The following GTF2E2 variants were observed in gnomAD, a reference collection of about 807,000 sequenced individuals.
GTF2E2 encodes the protein general transcription factor IIE subunit 2, also known as transcription initiation factor IIE subunit beta.
In GTF2E2, 21 loss-of-function variants were observed where a neutral mutation model predicts 40.5. The observed-to-expected ratio is 0.52, with a 90% confidence interval of 0.37 to 0.75. The LOEUF is 0.75. Ranked by LOEUF, GTF2E2 falls within the 30% of genes least tolerant of loss-of-function variation. The probability of loss-of-function intolerance (pLI) is 0.00; values close to 1 mark genes in which losing one functional copy is unlikely to be tolerated. For missense variants in GTF2E2, 298 were observed against 338.4 expected, an observed-to-expected ratio of 0.88 and a Z score of 0.94; for synonymous variants, 117 against 121.6, an observed-to-expected ratio of 0.96 and a Z score of 0.25.
chr8:30,651,678 T>C (rs992490057), intron 2 of GTF2E2, among the ~76,000 whole-genome samples: 1 of 152,218 alleles, frequency 6.6e-6, no homozygotes, highest in East Asian at 1.9e-4. Context: ...GATTTATAGA[T>C]TCAATTCAAT....
chr8:30,619,306 AC>A (rs1365344143), intron 3 of GTF2E2, among the ~76,000 whole-genome samples: 1 of 152,156 alleles, frequency 6.6e-6, no homozygotes, highest in Admixed American at 6.5e-5. Flanking sequence ...AGTCTTCCAG[AC>A]AAAACCCTTC....
Position 30,589,737 on chromosome 8 carries a change from G to C in GTF2E2, c.644-9341C>G, listed in dbSNP as rs77260970. Among the ~76,000 whole-genome samples, 42 of 152,286 alleles carry C rather than the reference G, an allele frequency of 2.8e-4. No homozygotes were observed. In the East Asian group the frequency reaches 6.0e-3, roughly 22 times the overall value. On this transcript the variant is annotated intron_variant, in intron 6 of 7. Transcript: ENST00000355904. ...ATCGTCTGCCCAAATCTGTGCAGCAGAGGCTGGACAGAATGAGAAGAACTT... is the reference window on the plus strand; with the variant it reads ...ATCGTCTGCCCAAATCTGTGCAGCACAGGCTGGACAGAATGAGAAGAACTT...
In GTF2E2 at chr8:30,587,547, G is replaced by A. The variant is rs147219513; in HGVS notation, c.644-7151C>T. Among the ~76,000 whole-genome samples the A allele has an allele frequency of 5.3e-5, 8 of 150,884 alleles. No homozygotes were observed. The East Asian group carries it at 1.6e-3, about 29-fold the overall frequency. ...TCTGAAAATTCAGAAATCCTGAAAT[G>A]TCAGAAATATTCAGACATTTCTCAA... On this transcript the variant is annotated intron_variant, in intron 6 of 7. Transcript: ENST00000355904.
intron 2 of GTF2E2, among the ~76,000 whole-genome samples, chr8:30,642,197 G>A (rs911288622): frequency 6.6e-6 from 1 of 151,442 alleles, no homozygotes; most frequent in Non-Finnish European, 1.5e-5. Context: ...TTGTATTACA[G>A]TGCATTAAAT....
At chr8:30,637,176 T>C in intron 2 of GTF2E2, 1 of 454,144 alleles carries the variant, frequency 2.2e-6, no homozygotes, top group African/African-American at 2.0e-5. Context: ...AACTGGCCAT[T>C]TTGTCAAAGT....
At chr8:30,593,492 T>C (rs1828907101) in intron 6 of GTF2E2, among the ~76,000 whole-genome samples, 1 of 152,246 alleles carries the variant, frequency 6.6e-6, no homozygotes, top group African/African-American at 2.4e-5. Flanking sequence ...TACCATTATG[T>C]AACGTCCTTT....
At chr8:30,592,072 G>A (rs910590560) in intron 6 of GTF2E2, among the ~76,000 whole-genome samples, 2 of 152,058 alleles carry the variant, frequency 1.3e-5, no homozygotes, top group African/African-American at 4.8e-5. Context: ...TGAACCATAG[G>A]TTACTTAAAG....
chr8:30,586,998 A>C (rs1444604789), intron 6 of GTF2E2, among the ~76,000 whole-genome samples: 2 of 152,254 alleles, frequency 1.3e-5, no homozygotes, highest in African/African-American at 2.4e-5. Flanking sequence ...AAGCAAACAT[A>C]GACAACTGGG....
At chr8:30,626,638 C>G (rs1290067668) in intron 3 of GTF2E2, among the ~76,000 whole-genome samples, 1 of 152,094 alleles carries the variant, frequency 6.6e-6, no homozygotes, top group Non-Finnish European at 1.5e-5. Context: ...ATACAATTTA[C>G]AAGAGAAGAG....
intron 2 of GTF2E2, 24 bp from the exon 3 acceptor site, chr8:30,635,147 A>C: frequency 7.9e-7 from 1 of 1,270,356 alleles, no homozygotes; most frequent in Non-Finnish European, 1.1e-6. Flanking sequence ...TCAAAATAAC[A>C]TCGTCATATT....
At chr8:30,609,406 A>C (rs1829420604) in intron 5 of GTF2E2, among the ~76,000 whole-genome samples, 1 of 152,198 alleles carries the variant, frequency 6.6e-6, no homozygotes, top group Non-Finnish European at 1.5e-5. Context: ...AATCTGAAAC[A>C]GTTCTGGTCC....
rs1586005016 is a variant in GTF2E2 at position 30,645,670 on chromosome 8, C to T, written c.166+7763G>A. The T allele has an allele frequency of 5.8e-6, 8 of 1,389,010 alleles. 1 individual carries two copies. In the Admixed American group the frequency reaches 8.0e-5, roughly 14 times the overall value. The allele number at this position is 1,389,010 out of a possible 1,614,324, so 86.0% of individuals were successfully genotyped here. On this transcript the variant is annotated intron_variant, in intron 2 of 7. Transcript: ENST00000355904. ...CTGAGAAAAAAAATATATTCTGAGGCCAACTGTTGCTACAAAACAAATTCT... is the reference window on the plus strand; with the variant it reads ...CTGAGAAAAAAAATATATTCTGAGGTCAACTGTTGCTACAAAACAAATTCT...
At chr8:30,637,358 G>A (rs1801638398) in intron 2 of GTF2E2, 2 of 451,092 alleles carry the variant, frequency 4.4e-6, no homozygotes, top group Admixed American at 4.8e-5. Context: ...GTGCTTATGA[G>A]ACATGATGCT....
At chr8:30,634,175 T>C (rs1034438949) in intron 3 of GTF2E2, among the ~76,000 whole-genome samples, 2 of 152,130 alleles carry the variant, frequency 1.3e-5, no homozygotes, top group South Asian at 4.1e-4. Context: ...TGGTCAGGCA[T>C]AGTGGCTCAT....
At chr8:30,580,516 T>A in intron 6 of GTF2E2, 120 bp from the exon 7 acceptor site, 1 of 653,234 alleles carries the variant, frequency 1.5e-6, no homozygotes. Context: ...TGATATGTCA[T>A]CATGAAACAA....
chr8:30,603,263 A>C (rs1433896030), intron 6 of GTF2E2, among the ~76,000 whole-genome samples: 1 of 152,250 alleles, frequency 6.6e-6, no homozygotes, highest in Non-Finnish European at 1.5e-5. Flanking sequence ...AACAGAGGAT[A>C]AGAGAATGAA....
intron 2 of GTF2E2, among the ~76,000 whole-genome samples, chr8:30,641,731 G>C (rs974745703): frequency 6.6e-6 from 1 of 152,196 alleles, no homozygotes; most frequent in Admixed American, 6.5e-5. Context: ...ACAAAAATTA[G>C]CTGGGTGTGA....
intron 3 of GTF2E2, among the ~76,000 whole-genome samples, chr8:30,630,292 A>G (rs1186157488): frequency 6.6e-6 from 1 of 151,982 alleles, no homozygotes; most frequent in Non-Finnish European, 1.5e-5. Flanking sequence ...CAGTATTATG[A>G]CTCTGAAGTT....
Position 30,602,750 on chromosome 8 carries a change from G to A in GTF2E2, c.643+4307C>T, listed in dbSNP as rs1234507969. ...GCCTGGGCAACAAGAGCGAAACTCC[G>A]TCTCAAAAAAAAAAAAAAAAAGGTG... On this transcript the variant is annotated intron_variant, in intron 6 of 7. Transcript: ENST00000355904. Among the ~76,000 whole-genome samples the A allele has an allele frequency of 6.4e-5, 7 of 109,316 alleles. No individual in the cohort carries two copies. In the South Asian group the frequency reaches 1.4e-3, roughly 21 times the overall value. The allele number at this position is 109,316 out of a possible 152,430, so 71.7% of individuals were successfully genotyped here. A position where few individuals can be genotyped will look rare whatever the true frequency, so the allele number is the denominator to read the frequency against.
Sources: gnomAD v4.1 joint callset for allele counts (sites outside exome capture counted in the v4.1 genomes callset) on GRCh38, gnomAD v4.1.1 for gene constraint, MANE v1.5 for transcripts, NCBI Gene and HGNC (gene_info 2026-07-23, HGNC 2026-07-21) for gene names.